Variants in ADAM19 observed in about 807,000 individuals in gnomAD.
ADAM19 encodes ADAM metallopeptidase domain 19.
In ADAM19, 65 loss-of-function variants were observed where a neutral mutation model predicts 114.7. The observed-to-expected ratio is 0.57, with a 90% CI of 0.46 to 0.70. The LOEUF (loss-of-function observed/expected upper bound fraction) is 0.70, where lower values mean the gene tolerates loss of function less well. Among genes scored for constraint, ADAM19 ranks in the 30% least tolerant of loss-of-function variants. ADAM19 has a pLI of 0.00. For missense variants in ADAM19, 1,063 were observed against 1,204.7 expected (o/e 0.88, Z 1.74); for synonymous variants, 466 against 460.5 (o/e 1.01, Z -0.15).
chr5:157,484,155 C>A (rs1460700218), intron 21 of ADAM19, among the ~76,000 whole-genome samples: 1 of 152,144 alleles, frequency 6.6e-6, no homozygotes, highest in African/African-American at 2.4e-5. Context: ...AAAATTACAA[C>A]AGCCCCCACC....
chr5:157,488,417 C>G lies in ADAM19; in HGVS notation c.2398G>C (p.Gly800Arg), dbSNP rs1384140225. 5 of 1,613,820 alleles carry G rather than the reference C, an allele frequency of 3.1e-6. No individual in the cohort carries two copies. Among genetic ancestry groups the G allele is most frequent in the Non-Finnish European group, 8.5e-7 (1 of 1,179,856 alleles). Residue 800 changes from glycine (G) to arginine (R), a missense_variant, in exon 21 of 23, where the codon GGT becomes CGT. Gly to Arg is a moderately radical substitution (Grantham distance 125, BLOSUM62 -2). Transcript: ENST00000257527. ...GGCAGTGGTGCAGGTGGGGACCCAC[C>G]ACGCAGATAATCTGGAGGGGGCCGG... ...PPRPPPDYLRGGSPPAPLPAH... is the reference protein window; with the variant it reads ...PPRPPPDYLRRGSPPAPLPAH...
At chr5:157,482,015 C>T in intron 21 of ADAM19, 72 bp from the exon 22 acceptor site, 2 of 1,258,360 alleles carry the variant, frequency 1.6e-6, no homozygotes, top group South Asian at 1.5e-5. Context: ...TGATATCTTA[C>T]AGGTTAAAAT....
intron 3 of ADAM19, among the ~76,000 whole-genome samples, chr5:157,550,632 C>CTTA (rs1277626996): frequency 6.7e-6 from 1 of 149,280 alleles, no homozygotes; most frequent in African/African-American, 2.5e-5. Context: ...AAATTGTATA[C>CTTA]TTTAAATGAG....
chr5:157,559,007 T>A (rs1176960567), intron 3 of ADAM19, among the ~76,000 whole-genome samples: 2 of 152,322 alleles, frequency 1.3e-5, no homozygotes. Flanking sequence ...TCTCCTTCCC[T>A]ATGATATCAC....
At chr5:157,520,981 C>T (rs55756031) in intron 5 of ADAM19, among the ~76,000 whole-genome samples, 16,505 of 152,136 alleles carry the variant, frequency 0.11, 948 homozygotes, top group South Asian at 0.16. Context: ...TTGCTGAGGA[C>T]GGAATAGCGA....
Position 157,491,608 on chromosome 5 carries a change from C to G in ADAM19, c.2095+7G>C. On this transcript the variant is annotated splice_region_variant and intron_variant, in intron 18 of 22. Transcript: ENST00000257527. ...GCGGGCAGTGGCCCCAGCAGGCTGGCACTCACTCTCAGGGGGCATAGGCCC... is the reference window on the plus strand; with the variant it reads ...GCGGGCAGTGGCCCCAGCAGGCTGGGACTCACTCTCAGGGGGCATAGGCCC... The G allele has an allele frequency of 6.7e-7, 1 of 1,486,716 alleles. No homozygotes were observed. The highest frequency in any genetic ancestry group is 9.0e-7 in the Non-Finnish European group (1 of 1,115,668). 92.1% of individuals were successfully genotyped at this position (1,486,716 alleles called of 1,614,324 possible).
At chr5:157,495,005 T>C (rs1561845182) in intron 14 of ADAM19, among the ~76,000 whole-genome samples, 1 of 152,086 alleles carries the variant, frequency 6.6e-6, no homozygotes, top group Non-Finnish European at 1.5e-5. Flanking sequence ...TTTTTTTTTC[T>C]TTCAGATGGA....
intron 4 of ADAM19, among the ~76,000 whole-genome samples, chr5:157,532,406 T>C (rs780160731): frequency 1.3e-5 from 2 of 152,180 alleles, no homozygotes; most frequent in Non-Finnish European, 2.9e-5. Context: ...CAGGTAACCA[T>C]AGAATTTAGG....
intron 1 of ADAM19, 23 bp downstream of exon 1, chr5:157,575,579 AT>A (rs1757950575): frequency 4.8e-6 from 7 of 1,447,950 alleles, no homozygotes; most frequent in Non-Finnish European, 6.3e-6. Flanking sequence ...CCCAGCCTCC[AT>A]CCCCCCGCGC....
intron 2 of ADAM19, among the ~76,000 whole-genome samples, chr5:157,570,029 G>C (rs1004014514): frequency 1.3e-5 from 2 of 152,184 alleles, no homozygotes; most frequent in Admixed American, 1.3e-4. Flanking sequence ...AGAGGACTAC[G>C]TGGGCGGATC....
intron 13 of ADAM19, among the ~76,000 whole-genome samples, chr5:157,497,570 T>TACACACACACACACACAC (rs5872512): frequency 2.9e-4 from 34 of 116,756 alleles, no homozygotes; most frequent in African/African-American, 1.3e-3. Context: ...GGCCCACTAA[T>TACACACACACACACACAC]ACACACACAC....
chr5:157,496,836 G>A, intron 14 of ADAM19, 58 bp downstream of exon 14: 1 of 1,459,332 alleles, frequency 6.9e-7, no homozygotes, highest in East Asian at 2.8e-5. Context: ...GAGGGCCAGG[G>A]GAGGCTGGCT....
Position 157,509,447 on chromosome 5 carries a change from G to C in ADAM19, c.759C>G (p.Ile253Met). ...YVDKFYRSLN[I>M]RIALVGLEVW... ...CTTCCAAGCCCACGAGAGCAATCCG[G>C]ATGTTCAAGGATCGGTAAAACTGAA... The change falls in exon 9 of 23, where the codon ATC (isoleucine) becomes ATG (methionine). Residue 253 changes from isoleucine (I) to methionine (M), a missense_variant. Around this residue, in one of 3 missense-constraint regions of ADAM19, gnomAD observed 615 missense variants for 706.3 expected, o/e 0.87. Coordinates refer to ENST00000257527, the MANE Select transcript of ADAM19 (RefSeq NM_033274.5). The C allele has an allele frequency of 6.2e-7, 1 of 1,600,068 alleles. No homozygotes were observed. Among genetic ancestry groups the C allele is most frequent in the Non-Finnish European group, 8.5e-7 (1 of 1,171,932 alleles).
chr5:157,555,475 T>C (rs1757341684), intron 3 of ADAM19, among the ~76,000 whole-genome samples: 1 of 152,182 alleles, frequency 6.6e-6, no homozygotes, highest in Non-Finnish European at 1.5e-5. Context: ...CAATATGTTT[T>C]TTTCTCTTGT....
chr5:157,479,430 T>G lies in ADAM19; in HGVS notation c.*1519A>C. Reference sequence around the variant, plus strand: ...AGGCCCCAGGAAAGCCTCAGAGGAGTGAGAGTCAGGCCAGCTCCTGTCCGG... The same window carrying G: ...AGGCCCCAGGAAAGCCTCAGAGGAGGGAGAGTCAGGCCAGCTCCTGTCCGG... On this transcript the variant is annotated 3_prime_UTR_variant, in exon 23 of 23. Transcript: ENST00000257527. 3.0e-6 allele frequency: 3 copies of G among 985,680 alleles called. No homozygotes were observed. Among genetic ancestry groups the G allele is most frequent in the Non-Finnish European group, 3.6e-6 (3 of 830,008 alleles). The allele number at this position is 985,680 out of a possible 1,614,324, so 61.1% of individuals were successfully genotyped here.
chr5:157,477,922 G>A lies in ADAM19; in HGVS notation c.*3027C>T. The A allele has an allele frequency of 3.1e-6, 1 of 326,866 alleles. No individual in the cohort carries two copies. Among genetic ancestry groups the A allele is most frequent in the South Asian group, 2.5e-5 (1 of 39,330 alleles). 20.2% of individuals were successfully genotyped at this position (326,866 alleles called of 1,614,324 possible). On this transcript the variant is annotated 3_prime_UTR_variant, in exon 23 of 23. Transcript: ENST00000257527. ...TAAGATCTGCAAGTGTCTCAGAGCT[G>A]GGGCAGAAAAAGGCTTTACTTTTAT...
At chr5:157,530,908 A>C in intron 4 of ADAM19, 25 bp from the exon 5 acceptor site, 1 of 1,594,820 alleles carries the variant, frequency 6.3e-7, no homozygotes, top group Non-Finnish European at 8.6e-7. Flanking sequence ...GGAGGTGGTC[A>C]GGCTAAAGAA....
At chr5:157,565,616 G>A (rs1561559752) in intron 2 of ADAM19, among the ~76,000 whole-genome samples, 1 of 151,972 alleles carries the variant, frequency 6.6e-6, no homozygotes, top group Non-Finnish European at 1.5e-5. Context: ...GGCTGAGGCA[G>A]GAGAATTGCT....
At position 157,574,751 on chromosome 5, in the gene ADAM19, G is replaced by C. The variant is rs116488536; in HGVS notation, c.94+852C>G. On this transcript the variant is annotated intron_variant, in intron 1 of 22. Transcript: ENST00000257527. ...ATAGCCCCCGAGGGATGGAGCCGGGGAGGGGATTGGTGTCTGGGAAACTAG... is the reference window on the plus strand; with the variant it reads ...ATAGCCCCCGAGGGATGGAGCCGGGCAGGGGATTGGTGTCTGGGAAACTAG... Among the ~76,000 whole-genome samples, 1,352 of 152,336 alleles carry C rather than the reference G, an allele frequency of 8.9e-3. 23 individuals carry two copies. Among genetic ancestry groups the C allele is most frequent in the African/African-American group, 0.031 (1,293 of 41,570 alleles).
Sources: allele counts gnomAD v4.1 joint callset (sites outside exome capture counted in the v4.1 genomes callset), GRCh38; gene constraint gnomAD v4.1.1; regional missense constraint gnomAD v4.1.1; transcripts MANE v1.5; gene names NCBI Gene and HGNC (gene_info 2026-07-23, HGNC 2026-07-21).